EMB: variants seen among roughly 807,000 people sequenced by gnomAD.
EMB encodes the protein embigin.
A neutral mutation model predicts 41.4 loss-of-function variants in EMB; 31 were observed. The observed-to-expected ratio is 0.75, with a 90% CI of 0.56 to 1.01. EMB has a LOEUF of 1.01. Among genes scored for constraint, EMB ranks in the 50% least tolerant of loss-of-function variants. EMB has a pLI of 0.00. For synonymous variants in EMB, 137 were observed against 140.4 expected, an observed-to-expected ratio of 0.98 and a Z score of 0.17; for missense variants, 379 against 388.3, an observed-to-expected ratio of 0.98 and a Z score of 0.20.
rs1745068439 is a variant in EMB at position 50,396,516 on chromosome 5, A to G, written c.*2757T>C. On this transcript the variant is annotated 3_prime_UTR_variant, in exon 9 of 9. Transcript: ENST00000303221. ...AGGTATGGGGGCTTCTCTAAGACAC[A>G]AGATCAGATTAAAGTCTTGAAAGAT... 1 of 152,136 alleles carries G rather than the reference A, an allele frequency of 6.6e-6. No homozygotes were observed. The highest frequency in any genetic ancestry group is 6.6e-5 in the Admixed American group (1 of 15,262). 9.4% of individuals were successfully genotyped at this position (152,136 alleles called of 1,614,324 possible).
intron 8 of EMB, among the ~76,000 whole-genome samples, 176 bp downstream of exon 8, chr5:50,399,683 T>A (rs924456899): frequency 6.6e-6 from 1 of 152,004 alleles, no homozygotes; most frequent in Non-Finnish European, 1.5e-5. Context: ...GAAAATGATT[T>A]ATTTTTGTAT....
At chr5:50,426,828 A>T (rs907143573) in intron 2 of EMB, among the ~76,000 whole-genome samples, 4 of 151,504 alleles carry the variant, frequency 2.6e-5, no homozygotes, top group South Asian at 2.1e-4. Context: ...TAAGGTAAAA[A>T]TTGATAATCA....
At chr5:50,431,627 A>G (rs1361945106) in intron 1 of EMB, among the ~76,000 whole-genome samples, 1 of 152,202 alleles carries the variant, frequency 6.6e-6, no homozygotes, top group Non-Finnish European at 1.5e-5. Flanking sequence ...GGGAAAAAAA[A>G]TGAGGATCAG....
At chr5:50,423,426 G>C (rs555577668) in intron 2 of EMB, among the ~76,000 whole-genome samples, 56 of 152,172 alleles carry the variant, frequency 3.7e-4, no homozygotes, top group African/African-American at 1.3e-3. Context: ...TTTTGAACCT[G>C]CTTTGTCTTT....
intron 2 of EMB, among the ~76,000 whole-genome samples, chr5:50,423,362 GA>G (rs1745557547): frequency 6.6e-6 from 1 of 152,164 alleles, no homozygotes; most frequent in Non-Finnish European, 1.5e-5. Context: ...AATGAGACTT[GA>G]AACTCATCAG....
chr5:50,413,072 G>T (rs1470244588), intron 2 of EMB, among the ~76,000 whole-genome samples: 1 of 151,222 alleles, frequency 6.6e-6, no homozygotes, highest in Non-Finnish European at 1.5e-5. Context: ...GCGCCCACGC[G>T]CACACACACA....
intron 4 of EMB, among the ~76,000 whole-genome samples, chr5:50,406,335 A>C (rs1372307672): frequency 6.6e-6 from 1 of 151,890 alleles, no homozygotes; most frequent in African/African-American, 2.4e-5. Flanking sequence ...GGGAACAAGG[A>C]ACAAAGGAAA....
In EMB at chr5:50,428,820, A is replaced by C. The variant is rs939000099; in HGVS notation, c.113-593T>G. The C allele has an allele frequency of 5.0e-6, 4 of 805,262 alleles. No homozygotes were observed. The African/African-American group carries it at 7.5e-5, about 15-fold the overall frequency. 49.9% of individuals were successfully genotyped at this position (805,262 alleles called of 1,614,324 possible). On this transcript the variant is annotated intron_variant, in intron 1 of 8. Coordinates refer to ENST00000303221, the MANE Select transcript of EMB (RefSeq NM_198449.3). The stretch of plus-strand genomic sequence containing the variant: ...TCTCTCCTTTTGAAAACTTTAATTA[A>C]AGAAACAAGGTTTCTATTTCCACCT...
intron 1 of EMB, among the ~76,000 whole-genome samples, chr5:50,433,463 CTTA>C (rs764352084): frequency 1.7e-4 from 26 of 152,136 alleles, no homozygotes; most frequent in Non-Finnish European, 3.4e-4. Flanking sequence ...CAAATAAAAA[CTTA>C]TTAAAAAATA....
chr5:50,402,241 G>A, intron 7 of EMB, 45 bp downstream of exon 7: 1 of 1,572,344 alleles, frequency 6.4e-7, no homozygotes, highest in Non-Finnish European at 8.7e-7. Flanking sequence ...ATGTTTCCCT[G>A]TATTTTACCC....
intron 1 of EMB, among the ~76,000 whole-genome samples, chr5:50,439,690 A>T (rs1369785593): frequency 6.6e-6 from 1 of 152,088 alleles, no homozygotes; most frequent in East Asian, 1.9e-4. Flanking sequence ...GTTCTGTCCA[A>T]GTTGTTAACA....
intron 1 of EMB, among the ~76,000 whole-genome samples, chr5:50,429,418 T>G (rs532710033): frequency 1.3e-5 from 2 of 152,342 alleles, no homozygotes; most frequent in East Asian, 3.9e-4. Flanking sequence ...TAGTACAAGA[T>G]TAGATTTCCA....
At chr5:50,409,933 TA>T (rs972987403) in intron 4 of EMB, among the ~76,000 whole-genome samples, 10 of 151,880 alleles carry the variant, frequency 6.6e-5, no homozygotes, top group African/African-American at 2.4e-4. Flanking sequence ...TACAAAGACA[TA>T]AAAATAAAAT....
In EMB at chr5:50,399,342, A is replaced by C. The variant is rs760866897; in HGVS notation, c.967-52T>G. ...ATAATTAGTATGTTCTGGTTATTTTATAGTAACTTACTATCACTTTAGCAA... is the reference window on the plus strand; with the variant it reads ...ATAATTAGTATGTTCTGGTTATTTTCTAGTAACTTACTATCACTTTAGCAA... On this transcript the variant is annotated intron_variant, in intron 8 of 8. Coordinates refer to ENST00000303221, the MANE Select transcript of EMB (RefSeq NM_198449.3). 3.3e-4 allele frequency: 529 copies of C among 1,597,992 alleles called. 1 individual carries two copies. Among genetic ancestry groups the C allele is most frequent in the Non-Finnish European group, 4.3e-4 (507 of 1,172,066 alleles).
chr5:50,399,302 A>G lies in EMB; in HGVS notation c.967-12T>C. The G allele has an allele frequency of 1.9e-6, 3 of 1,607,308 alleles. No individual in the cohort carries two copies. The highest frequency in any genetic ancestry group is 2.6e-6 in the Non-Finnish European group (3 of 1,176,258). ...TGGCCCAGAGACTCCTGAGTTAAAT[A>G]AAGCATAATCAAATATAATTAGTAT... is the stretch of plus-strand genomic sequence containing the variant. On this transcript the variant is annotated splice_polypyrimidine_tract_variant and intron_variant, in intron 8 of 8. Transcript: ENST00000303221.
intron 1 of EMB, among the ~76,000 whole-genome samples, chr5:50,439,988 T>C (rs954485658): frequency 6.6e-6 from 1 of 152,160 alleles, no homozygotes; most frequent in Admixed American, 6.5e-5. Context: ...AAAGTAATTA[T>C]AAACAGGTGA....
In EMB at chr5:50,441,184, G is replaced by A. The variant is rs979231136; in HGVS notation, c.-33C>T. ...GAGGGTCCGCCTGGGTCCTCGTGGA[G>A]ACTGCTCCCTCAGCTCGCCGCCGCG... On this transcript the variant is annotated 5_prime_UTR_variant, in exon 1 of 9. Transcript: ENST00000303221. 3.8e-6 allele frequency: 5 copies of A among 1,320,914 alleles called. No individual in the cohort carries two copies. In the African/African-American group the frequency reaches 7.6e-5, roughly 20 times the overall value. 81.8% of individuals were successfully genotyped at this position (1,320,914 alleles called of 1,614,324 possible). A position where few individuals can be genotyped will look rare whatever the true frequency, so the allele number is the denominator to read the frequency against.
chr5:50,403,952 T>G (rs1215266860), intron 5 of EMB, among the ~76,000 whole-genome samples: 2 of 151,916 alleles, frequency 1.3e-5, no homozygotes, highest in Non-Finnish European at 2.9e-5. Context: ...CTCAGGCTTT[T>G]GGAGCTGATG....
rs1554023649 is a variant in EMB at position 50,403,377 on chromosome 5, T to C, written c.678A>G (p.Gln226=). ...YANETKLKIT[Q]LLEEDGESYW... ...AAGATTCCCCATCTTCCTCCAAAAG[T>C]TGTGTTATCTTCAGCTTTGTTTCGT... The change falls in exon 6 of 9, where the codon CAA becomes CAG. Residue 226 remains glutamine, a synonymous_variant. Coordinates refer to ENST00000303221, the MANE Select transcript of EMB (RefSeq NM_198449.3). 1 of 1,612,676 alleles carries C rather than the reference T, an allele frequency of 6.2e-7. No individual in the cohort carries two copies. Among genetic ancestry groups the C allele is most frequent in the East Asian group, 2.2e-5 (1 of 44,824 alleles).
Sources: allele counts gnomAD v4.1 joint callset (sites outside exome capture counted in the v4.1 genomes callset), GRCh38; gene constraint gnomAD v4.1.1; transcripts MANE v1.5; gene names NCBI Gene and HGNC (gene_info 2026-07-23, HGNC 2026-07-21).